The following KIF26A variants were observed in gnomAD, a reference collection of about 807,000 sequenced individuals.
The protein encoded by KIF26A is kinesin-like protein KIF26A.
In KIF26A, 74 loss-of-function variants were observed where a neutral mutation model predicts 126.0. That is an observed-to-expected ratio of 0.59 (90% CI 0.49 to 0.71). The LOEUF is 0.71. KIF26A is among the 30% of genes least tolerant of loss of function. The pLI, the probability that KIF26A is intolerant of heterozygous loss-of-function variation, is 0.00. For missense variants in KIF26A, 2,984 were observed against 2,763.3 expected, an observed-to-expected ratio of 1.08 and a Z score of -1.79; for synonymous variants, 1,445 against 1,232.7, an observed-to-expected ratio of 1.17 and a Z score of -3.61.
rs1423129956 is a variant in KIF26A, at chr14:104,171,740, G to A, written c.1131G>A (p.Arg377=). The A allele has an allele frequency of 1.3e-6, 2 of 1,577,262 alleles. No individual in the cohort carries two copies. The highest frequency in any genetic ancestry group is 8.6e-7 in the Non-Finnish European group (1 of 1,162,904). ...TGCCCCAGGTGAAGGTTATGCTGCGGATCTGGCCCGCACAGGGGGCCCAGC... is the reference window on the plus strand; with the variant it reads ...TGCCCCAGGTGAAGGTTATGCTGCGAATCTGGCCCGCACAGGGGGCCCAGC... The part of the protein sequence containing the change: ...GSIGKVKVML[R]IWPAQGAQRS... The change falls in exon 6 of 15, where the codon CGG becomes CGA. Residue 377 remains arginine, a synonymous_variant. Transcript: ENST00000423312.
Position 104,175,398 on chromosome 14 carries a change from C to T in KIF26A, c.2610C>T (p.Ser870=). ...GTGGCACCGACGGAGCTCAGGCCAGCCCCGCCCGAGGGGGCCGGAAGCCCT... is the reference window on the plus strand; with the variant it reads ...GTGGCACCGACGGAGCTCAGGCCAGTCCCGCCCGAGGGGGCCGGAAGCCCT... ...GPGGTDGAQA[S]PARGGRKPSP... is the part of the protein sequence containing the mutation. Residue 870 remains serine, a synonymous_variant, in exon 12 of 15, where the codon AGC becomes AGT. Transcript: ENST00000423312. 4 of 1,596,346 alleles carry T rather than the reference C, an allele frequency of 2.5e-6. No homozygotes were observed. In the South Asian group the frequency reaches 4.5e-5, roughly 18 times the overall value.
Position 104,138,664 on chromosome 14 carries a change from C to A in KIF26A, c.-59C>A. 1.6e-6 allele frequency: 2 copies of A among 1,227,060 alleles called. No individual in the cohort carries two copies. Among genetic ancestry groups the A allele is most frequent in the South Asian group, 5.3e-5 (2 of 37,792 alleles). The allele number at this position is 1,227,060 out of a possible 1,614,324, so 76.0% of individuals were successfully genotyped here. A position where few individuals can be genotyped will look rare whatever the true frequency, so the allele number is the denominator to read the frequency against. ...TCGGGGCCGGATCACGTAGCCGCGG[C>A]GCCCCCGGAGAGCCAGCGTGGCCGG... On this transcript the variant is annotated 5_prime_UTR_variant, in exon 1 of 15. Coordinates refer to ENST00000423312, the MANE Select transcript of KIF26A (RefSeq NM_015656.2).
In KIF26A at chr14:104,148,250, ACTCC is replaced by A. The variant is rs139748220; in HGVS notation, c.289-3762_289-3759del. ...GTCATGATTTGTAAGTAGGGGGGAG[ACTCC>A]CTAAAACCCAGGCGCGCAATGGGTG... On this transcript the variant is annotated intron_variant, in intron 2 of 14. Coordinates refer to ENST00000423312, the MANE Select transcript of KIF26A (RefSeq NM_015656.2). This position sits in a 1 kb window ranked among gnomAD's most constrained non-coding sequence, Gnocchi z 4.3. Among the ~76,000 whole-genome samples the A allele has an allele frequency of 3.9e-3, 594 of 152,236 alleles. 7 individuals are homozygous for A. Among genetic ancestry groups the A allele is most frequent in the African/African-American group, 0.014 (574 of 41,546 alleles).
chr14:104,139,520 G>A (rs1890985), intron 2 of KIF26A, among the ~76,000 whole-genome samples: 10,161 of 152,274 alleles, frequency 0.067, 1,136 homozygotes, highest in African/African-American at 0.23. Context: ...GAGGGGCCTG[G>A]GCTGGCGTTC....
chr14:104,151,694 C>G lies in KIF26A; in HGVS notation c.289-321C>G, dbSNP rs1052454830. ...TTGCCAGTCTCCTGCGTGTCCCCGGCCAGGCGGCCTTAGCTGACAGTGGTC... is the reference window on the plus strand; with the variant it reads ...TTGCCAGTCTCCTGCGTGTCCCCGGGCAGGCGGCCTTAGCTGACAGTGGTC... On this transcript the variant is annotated intron_variant, in intron 2 of 14. Coordinates refer to ENST00000423312, the MANE Select transcript of KIF26A (RefSeq NM_015656.2). The surrounding 1 kb of genome is among the most constrained non-coding windows in gnomAD (Gnocchi z 4.9). Among the ~76,000 whole-genome samples the G allele has an allele frequency of 2.0e-5, 3 of 152,240 alleles. No homozygotes were observed. Among genetic ancestry groups the G allele is most frequent in the Admixed American group, 6.5e-5 (1 of 15,294 alleles).
At chr14:104,158,888 A>G (rs778687752) in intron 4 of KIF26A, among the ~76,000 whole-genome samples, 3 of 152,208 alleles carry the variant, frequency 2.0e-5, no homozygotes. Context: ...AATTGCCATA[A>G]TGCCTGGTAA....
rs987258783 is a variant in KIF26A at position 104,151,390 on chromosome 14, G to A, written c.289-625G>A. ...ACCTGGGTGGGGGAGCTGGTGGAGT[G>A]TGCGGCGGGGGGTGGGGCCCTGGGC... On this transcript the variant is annotated intron_variant, in intron 2 of 14. Transcript: ENST00000423312. The surrounding 1 kb of genome is among the most constrained non-coding windows in gnomAD (Gnocchi z 4.9). Among the ~76,000 whole-genome samples, 14 of 152,070 alleles carry A rather than the reference G, an allele frequency of 9.2e-5. No homozygotes were observed. Among genetic ancestry groups the A allele is most frequent in the Admixed American group, 9.2e-4 (14 of 15,280 alleles).
intron 4 of KIF26A, among the ~76,000 whole-genome samples, chr14:104,161,619 C>G (rs915980877): frequency 6.6e-6 from 1 of 152,212 alleles, no homozygotes; most frequent in East Asian, 1.9e-4. Flanking sequence ...TTCAGGTGCC[C>G]GCTGTCTCGT....
Position 104,178,737 on chromosome 14 carries a change from G to T in KIF26A, c.5298G>T (p.Pro1766=). ...VERLQRPRPT[P]REAPTQGLAC... ...GCCTTCAGCGGCCCCGCCCCACCCC[G>T]AGGGAGGCCCCCACCCAGGTAGGGC... Residue 1766 remains proline (P), a synonymous_variant, in exon 13 of 15, where the codon CCG becomes CCT. Transcript: ENST00000423312. The T allele has an allele frequency of 6.5e-7, 1 of 1,540,060 alleles. No homozygotes were observed. The highest frequency in any genetic ancestry group is 8.8e-7 in the Non-Finnish European group (1 of 1,138,414).
rs753757440 is a variant in KIF26A at position 104,167,007 on chromosome 14, G to A, written c.1072G>A (p.Ala358Thr). Residue 358 changes from alanine (A) to threonine (T), a missense_variant, in exon 5 of 15, where the codon GCC becomes ACC. Coordinates refer to ENST00000423312, the MANE Select transcript of KIF26A (RefSeq NM_015656.2). The stretch of plus-strand genomic sequence containing the variant: ...CCCGGCGCCCCCCTGCCTGCTCAGG[G>A]CCGCCTCCAAGACCAAGGACAACCC... ...PPPAPPCLLR[A>T]ASKTKDNPGS... 1 of 1,581,304 alleles carries A rather than the reference G, an allele frequency of 6.3e-7. No homozygotes were observed. The highest frequency in any genetic ancestry group is 1.3e-5 in the African/African-American group (1 of 74,462).
intron 2 of KIF26A, among the ~76,000 whole-genome samples, chr14:104,144,519 T>C (rs2037664390): frequency 6.6e-6 from 1 of 152,208 alleles, no homozygotes; most frequent in African/African-American, 2.4e-5. Context: ...GGAATGGGAC[T>C]GGGGCCTTCC....
chr14:104,166,886 C>T lies in KIF26A; in HGVS notation c.951C>T (p.Ser317=), dbSNP rs2037910221. The T allele has an allele frequency of 3.2e-6, 5 of 1,584,034 alleles. No individual in the cohort carries two copies. Among genetic ancestry groups the T allele is most frequent in the Non-Finnish European group, 4.3e-6 (5 of 1,166,306 alleles). The part of the protein sequence containing the change: ...IRAMQKLSLA[S]KRKKPHPPPP... ...CTATGCAGAAGCTCAGCCTGGCCTC[C>T]AAGAGGAAGAAGCCCCACCCGCCAC... The change falls in exon 5 of 15, where the codon TCC becomes TCT. Residue 317 remains serine, a synonymous_variant. Coordinates refer to ENST00000423312, the MANE Select transcript of KIF26A (RefSeq NM_015656.2).
chr14:104,177,735 C>G lies in KIF26A; in HGVS notation c.4947C>G (p.Ala1649=), dbSNP rs905060140. The change falls in exon 12 of 15, where the codon GCC becomes GCG. Residue 1649 remains alanine (A), a synonymous_variant. Transcript: ENST00000423312. The part of the protein sequence containing the change: ...GELPPAMGRT[A]LFHHSGGSSG... ...TGCCGCCCGCCATGGGCCGCACCGC[C>G]CTTTTCCACCACAGCGGTGGCAGCA... The G allele has an allele frequency of 6.5e-7, 1 of 1,542,352 alleles. No individual in the cohort carries two copies. Among genetic ancestry groups the G allele is most frequent in the Non-Finnish European group, 8.7e-7 (1 of 1,150,836 alleles).
At position 104,148,608 on chromosome 14, in the gene KIF26A, G is replaced by A. The variant is rs1302884335; in HGVS notation, c.289-3407G>A. Among the ~76,000 whole-genome samples, 1 of 150,080 alleles carries A rather than the reference G, an allele frequency of 6.7e-6. No homozygotes were observed. Among genetic ancestry groups the A allele is most frequent in the African/African-American group, 2.5e-5 (1 of 40,610 alleles). On this transcript the variant is annotated intron_variant, in intron 2 of 14. Coordinates refer to ENST00000423312, the MANE Select transcript of KIF26A (RefSeq NM_015656.2). The surrounding 1 kb of genome is among the most constrained non-coding windows in gnomAD (Gnocchi z 4.3). The stretch of plus-strand genomic sequence containing the variant: ...GTGCAGAGGTTGGAAGGTGCAGGAA[G>A]TGGCCACAGAGCAGGATTTGTTGTT...
intron 2 of KIF26A, among the ~76,000 whole-genome samples, chr14:104,147,640 G>A (rs1457928064): frequency 4.6e-5 from 7 of 152,236 alleles, no homozygotes; most frequent in Admixed American, 1.3e-4. Context: ...TGCACCAGAC[G>A]TGGAAATGTC....
chr14:104,175,727 C>T lies in KIF26A; in HGVS notation c.2939C>T (p.Pro980Leu), dbSNP rs1177297273. ...GGCACTGATGGAGTGGCACGGACCC[C>T]TCCCGTGGGCATGAGTGGGCAGGTG... ...GGGTDGVARTPPVGMSGQVAG... is the reference protein window; with the variant it reads ...GGGTDGVARTLPVGMSGQVAG... The change falls in exon 12 of 15, where the codon CCT becomes CTT. Residue 980 changes from proline (P) to leucine (L), a missense_variant. By Grantham distance (98) the Pro-to-Leu change is moderately conservative (BLOSUM62 -3). Coordinates refer to ENST00000423312, the MANE Select transcript of KIF26A (RefSeq NM_015656.2). 1.3e-6 allele frequency: 2 copies of T among 1,570,788 alleles called. No individual in the cohort carries two copies. Among genetic ancestry groups the T allele is most frequent in the South Asian group, 1.2e-5 (1 of 86,496 alleles).
chr14:104,140,408 A>G (rs2037626873), intron 2 of KIF26A, among the ~76,000 whole-genome samples: 1 of 152,134 alleles, frequency 6.6e-6, no homozygotes, highest in African/African-American at 2.4e-5. Context: ...TTTAAAAGGT[A>G]GCAGGAGACC....
chr14:104,175,285 G>A lies in KIF26A; in HGVS notation c.2497G>A (p.Ala833Thr), dbSNP rs754100787. The A allele has an allele frequency of 2.5e-6, 4 of 1,605,220 alleles. No homozygotes were observed. The highest frequency in any genetic ancestry group is 3.4e-6 in the Non-Finnish European group (4 of 1,179,594). ...RHRPSKGPRD[A>T]DHFRCSTFAE... ...CCGGCCCTCCAAGGGTCCCCGAGAC[G>A]CAGACCACTTCCGCTGCAGCACCTT... Residue 833 changes from alanine (A) to threonine (T), a missense_variant, in exon 12 of 15, where the codon GCA (alanine) becomes ACA (threonine). Ala to Thr is a moderately conservative substitution (Grantham distance 58). Coordinates refer to ENST00000423312, the MANE Select transcript of KIF26A (RefSeq NM_015656.2).
chr14:104,167,868 C>T (rs543916327), intron 5 of KIF26A, among the ~76,000 whole-genome samples: 7 of 152,178 alleles, frequency 4.6e-5, no homozygotes, highest in Non-Finnish European at 7.4e-5. Flanking sequence ...CCTCCAGGCC[C>T]GGGAGGCTCT....
Sources: gnomAD v4.1 joint callset for allele counts (sites outside exome capture counted in the v4.1 genomes callset) on GRCh38, gnomAD v4.1.1 for gene constraint, Gnocchi (gnomAD v3.1) non-coding constraint, MANE v1.5 for transcripts, NCBI Gene and HGNC (gene_info 2026-07-23, HGNC 2026-07-21) for gene names.